ADAMTS2: variants seen among roughly 807,000 people sequenced by gnomAD.
ADAMTS2 encodes A disintegrin and metalloproteinase with thrombospondin motifs 2.
In ADAMTS2, 50 loss-of-function variants were observed where a neutral mutation model predicts 123.0. The ratio of observed to expected loss-of-function variants is 0.41; its 90% confidence interval spans 0.32 to 0.51. The LOEUF (loss-of-function observed/expected upper bound fraction) is 0.51, where lower values mean the gene tolerates loss of function less well. ADAMTS2 is among the 20% of genes least tolerant of loss of function. The pLI is 0.35. For synonymous variants in ADAMTS2, 678 were observed against 695.4 expected (o/e 0.98, Z 0.39); for missense variants, 1,494 against 1,705.2 (o/e 0.88, Z 2.18).
rs745797738 is a variant in ADAMTS2 at position 179,152,250 on chromosome 5, C to A, written c.1521G>T (p.Arg507=). The change falls in exon 10 of 22, where the codon CGG becomes CGT. Residue 507 remains arginine (R), a synonymous_variant. Transcript: ENST00000251582. The part of the protein sequence containing the change: ...GLGYMMCTAF[R]TFDPCKQLWC... Reference sequence around the variant, plus strand: ...ACAGCTGCTTGCAGGGGTCAAAGGTCCGGAACTGGAAGACAGCACCATAGC... The same window carrying A: ...ACAGCTGCTTGCAGGGGTCAAAGGTACGGAACTGGAAGACAGCACCATAGC... The A allele has an allele frequency of 6.2e-7, 1 of 1,613,950 alleles. No homozygotes were observed. The highest frequency in any genetic ancestry group is 2.2e-5 in the East Asian group (1 of 44,858).
At chr5:179,309,797 G>T (rs955012555) in intron 2 of ADAMTS2, among the ~76,000 whole-genome samples, 2 of 141,044 alleles carry the variant, frequency 1.4e-5, no homozygotes, top group Non-Finnish European at 3.0e-5. Context: ...CTCTGGCCCT[G>T]CCACTTGACC....
chr5:179,255,927 G>T (rs1001089887), intron 3 of ADAMTS2, among the ~76,000 whole-genome samples: 1 of 152,170 alleles, frequency 6.6e-6, no homozygotes, highest in African/African-American at 2.4e-5. Flanking sequence ...CACAGATGCT[G>T]CTGGGCCTAG....
intron 3 of ADAMTS2, among the ~76,000 whole-genome samples, chr5:179,271,962 C>G (rs1766548033): frequency 6.6e-6 from 1 of 152,204 alleles, no homozygotes; most frequent in Non-Finnish European, 1.5e-5. Context: ...GCAGGTGTGC[C>G]CGATCCTGGG....
chr5:179,246,002 G>T (rs1247024380), intron 3 of ADAMTS2, among the ~76,000 whole-genome samples: 2 of 152,028 alleles, frequency 1.3e-5, no homozygotes, highest in African/African-American at 2.4e-5. Flanking sequence ...TCTCAGAATC[G>T]ACTTTTTTGG....
rs1230404566 is a variant in ADAMTS2, at chr5:179,189,545, GGC to G, written c.892-8392_892-8391del. On this transcript the variant is annotated intron_variant, in intron 4 of 21. Coordinates refer to ENST00000251582, the MANE Select transcript of ADAMTS2 (RefSeq NM_014244.5). The surrounding 1 kb of genome is among the most constrained non-coding windows in gnomAD (Gnocchi z 4.2). Reference sequence around the variant, plus strand: ...TTTTTTTTTTTTTTTTTTTAGTAGAGGCAGGGTTTCACAATGTTAGCCAGGAT... The same window carrying G: ...TTTTTTTTTTTTTTTTTTTAGTAGAGAGGGTTTCACAATGTTAGCCAGGAT... Among the ~76,000 whole-genome samples, 27 of 97,438 alleles carry G rather than the reference GGC, an allele frequency of 2.8e-4. No individual in the cohort carries two copies. Among genetic ancestry groups the G allele is most frequent in the South Asian group, 7.8e-4 (2 of 2,560 alleles). 63.9% of individuals were successfully genotyped at this position (97,438 alleles called of 152,430 possible). A position where few individuals can be genotyped will look rare whatever the true frequency, so the allele number is the denominator to read the frequency against.
intron 2 of ADAMTS2, among the ~76,000 whole-genome samples, chr5:179,337,140 C>T (rs890876645): frequency 7.2e-5 from 11 of 152,156 alleles, no homozygotes; most frequent in Non-Finnish European, 1.5e-4. Context: ...ACATACGCAG[C>T]AGAGTGTGCA....
chr5:179,211,468 AAC>A (rs1764848762), intron 3 of ADAMTS2, among the ~76,000 whole-genome samples: 1 of 152,196 alleles, frequency 6.6e-6, no homozygotes, highest in South Asian at 2.1e-4. Context: ...TTAAATAGGT[AAC>A]ACAGAGCTTT....
At chr5:179,315,180 C>A (rs1392562410) in intron 2 of ADAMTS2, among the ~76,000 whole-genome samples, 1 of 152,152 alleles carries the variant, frequency 6.6e-6, no homozygotes, top group Non-Finnish European at 1.5e-5. Context: ...CTCTGCCCCA[C>A]CCCAGAGGGC....
At chr5:179,176,411 C>T (rs924210821) in intron 5 of ADAMTS2, among the ~76,000 whole-genome samples, 2 of 152,192 alleles carry the variant, frequency 1.3e-5, no homozygotes, top group African/African-American at 4.8e-5. Flanking sequence ...TTCTTGGCCT[C>T]CTCCGCTGGG....
At chr5:179,265,840 C>T (rs757062391) in intron 3 of ADAMTS2, among the ~76,000 whole-genome samples, 10 of 152,260 alleles carry the variant, frequency 6.6e-5, no homozygotes, top group African/African-American at 9.6e-5. Context: ...GGAGCCGCCT[C>T]GGGTTTCACA....
In ADAMTS2 at chr5:179,162,526, G is replaced by A. The variant is rs2113273574; in HGVS notation, c.976-3647C>T. The stretch of plus-strand genomic sequence containing the variant: ...AGGCTCATTCAGGTGGTCACGGCGG[G>A]CCCCAGCTGAGCTGTTGCACACCAT... On this transcript the variant is annotated intron_variant, in intron 5 of 21. Coordinates refer to ENST00000251582, the MANE Select transcript of ADAMTS2 (RefSeq NM_014244.5). This position sits in a 1 kb window ranked among gnomAD's most constrained non-coding sequence, Gnocchi z 5.1. Among the ~76,000 whole-genome samples the A allele has an allele frequency of 6.6e-6, 1 of 152,284 alleles. No individual in the cohort carries two copies. The highest frequency in any genetic ancestry group is 1.9e-4 in the East Asian group (1 of 5,156).
chr5:179,330,839 T>C (rs1219959929), intron 2 of ADAMTS2, among the ~76,000 whole-genome samples: 2 of 152,236 alleles, frequency 1.3e-5, no homozygotes, highest in Non-Finnish European at 2.9e-5. Flanking sequence ...GAGGATGCTC[T>C]GGCAGGGCAG....
At chr5:179,153,768 G>A in intron 8 of ADAMTS2, 145 bp from the exon 9 acceptor site, 1 of 1,310,398 alleles carries the variant, frequency 7.6e-7, no homozygotes, top group Non-Finnish European at 1.0e-6. Context: ...CAGTTTCCCT[G>A]CTGCATCTCT....
At chr5:179,216,189 A>G (rs1764975119) in intron 3 of ADAMTS2, among the ~76,000 whole-genome samples, 1 of 152,172 alleles carries the variant, frequency 6.6e-6, no homozygotes, top group Non-Finnish European at 1.5e-5. Flanking sequence ...CCCTGAGGTG[A>G]TGGCTCTGCA....
chr5:179,232,368 C>T (rs982425469), intron 3 of ADAMTS2, among the ~76,000 whole-genome samples: 4 of 152,196 alleles, frequency 2.6e-5, no homozygotes, highest in Non-Finnish European at 5.9e-5. Flanking sequence ...TCTATAGTTG[C>T]CCACTGATTC....
intron 13 of ADAMTS2, 28 bp downstream of exon 13, chr5:179,135,881 C>T (rs778610171): frequency 1.9e-6 from 3 of 1,611,728 alleles, no homozygotes; most frequent in African/African-American, 1.3e-5. Flanking sequence ...GACACGGTAG[C>T]CCCCCGTGCC....
chr5:179,206,913 A>G (rs1041569791), intron 4 of ADAMTS2, among the ~76,000 whole-genome samples: 2 of 152,126 alleles, frequency 1.3e-5, no homozygotes, highest in African/African-American at 2.4e-5. Context: ...ACCCCTTTCA[A>G]TAGCCCAGAC....
intron 12 of ADAMTS2, among the ~76,000 whole-genome samples, chr5:179,137,215 G>C (rs1763080175): frequency 6.6e-6 from 1 of 152,208 alleles, no homozygotes; most frequent in South Asian, 2.1e-4. Context: ...AGCCATGGAG[G>C]AGAAACAAGG....
chr5:179,276,564 G>A (rs919132837), intron 2 of ADAMTS2, among the ~76,000 whole-genome samples: 2 of 152,072 alleles, frequency 1.3e-5, no homozygotes, highest in African/African-American at 2.4e-5. Context: ...TGCAGCCTGG[G>A]AGACACTGAG....
Sources: gnomAD v4.1 joint callset for allele counts (sites outside exome capture counted in the v4.1 genomes callset) on GRCh38, gnomAD v4.1.1 for gene constraint, Gnocchi (gnomAD v3.1) non-coding constraint, MANE v1.5 for transcripts, NCBI Gene and HGNC (gene_info 2026-07-23, HGNC 2026-07-21) for gene names.